MALAT1: variants seen among roughly 807,000 people sequenced by gnomAD.
The protein encoded by MALAT1 is metastasis associated lung adenocarcinoma transcript 1.
exon 3 of MALAT1, chr11:65,501,380 A>C: frequency 1.9e-6 from 1 of 518,542 alleles, no homozygotes; most frequent in Middle Eastern, 3.2e-4. Flanking sequence ...GTTTATAGAA[A>C]CTAGAGCAGT....
chr11:65,505,564 C>T (rs773650762), intron 3 of MALAT1: 11 of 515,824 alleles, frequency 2.1e-5, no homozygotes, highest in South Asian at 1.5e-4. Flanking sequence ...GCCACATCGC[C>T]ACCCCGTGCC....
chr11:65,501,715 A>T (rs758761266), exon 3 of MALAT1: 1 of 519,012 alleles, frequency 1.9e-6, no homozygotes, highest in African/African-American at 1.9e-5. Context: ...TTGAAGCTGA[A>T]AAGTACAGCA....
At chr11:65,499,186 T>C (rs771047379) in exon 3 of MALAT1, 1 of 505,276 alleles carries the variant, frequency 2.0e-6, no homozygotes, top group Non-Finnish European at 3.9e-6. Context: ...TACTAAGATA[T>C]TGCTTAGCGT....
exon 3 of MALAT1, chr11:65,503,123 ATC>A (rs1291987364): frequency 5.9e-6 from 3 of 508,338 alleles, no homozygotes; most frequent in Non-Finnish European, 1.2e-5. Context: ...TCAGACAGGT[ATC>A]TCTTCGTTAT....
At chr11:65,499,790 AAAGAC>A (rs756048218) in exon 3 of MALAT1, 6 of 422,860 alleles carry the variant, frequency 1.4e-5, no homozygotes, top group Non-Finnish European at 1.8e-5. Flanking sequence ...GCAGAAGAAA[AAAGAC>A]AAGCTAGGAA....
At chr11:65,498,626 G>C (rs181344966) in intron 1 of MALAT1, 2 of 518,712 alleles carry the variant, frequency 3.9e-6, no homozygotes, top group Admixed American at 1.9e-5. Context: ...CTGGGGCTCA[G>C]TTGCGTAATG....
rs372595584 is a variant in MALAT1 at position 65,503,374 on chromosome 11, A to G, written n.4637A>G. The G allele has an allele frequency of 8.3e-5, 43 of 518,770 alleles. 1 individual carries two copies. The Middle Eastern group carries it at 9.5e-4, about 11-fold the overall frequency. 32.1% of individuals were successfully genotyped at this position (518,770 alleles called of 1,614,324 possible). On this transcript the variant is annotated non_coding_transcript_exon_variant, in exon 3 of 4. Coordinates refer to ENST00000619449, the Ensembl canonical transcript of MALAT1. ...TGTAGGACTTGTTCCTGTGGGCTTC[A>G]GTGATGGGATAGTACACTTCACTCA...
At chr11:65,498,678 A>G (rs776853070) in intron 1 of MALAT1, 1 of 518,184 alleles carries the variant, frequency 1.9e-6, no homozygotes, top group South Asian at 1.4e-5. Flanking sequence ...TCTTCCTTCA[A>G]AAGGTGGTAA....
exon 3 of MALAT1, chr11:65,499,341 A>G (rs935513962): frequency 2.2e-5 from 11 of 497,842 alleles, no homozygotes; most frequent in African/African-American, 1.9e-4. Context: ...TAAAAAATGT[A>G]TTTAAAAGAA....
chr11:65,500,423 G>C (rs1187425970), exon 3 of MALAT1: 1 of 518,992 alleles, frequency 1.9e-6, no homozygotes, highest in East Asian at 5.4e-5. Context: ...TGGATTCAGT[G>C]AATCTAGGAA....
At chr11:65,503,041 GAAAT>G (rs769499308) in exon 3 of MALAT1, 7 of 506,604 alleles carry the variant, frequency 1.4e-5, no homozygotes, top group East Asian at 1.1e-4. Flanking sequence ...AAAAGAAGCC[GAAAT>G]AAATGAGAGA....
exon 3 of MALAT1, chr11:65,503,701 TGG>T (rs757261047): frequency 3.9e-6 from 2 of 517,654 alleles, no homozygotes; most frequent in African/African-American, 1.9e-5. Flanking sequence ...GGGGCAATCT[TGG>T]GGGGGATTCT....
chr11:65,503,850 C>G (rs1018973749), exon 3 of MALAT1: 2 of 517,954 alleles, frequency 3.9e-6, no homozygotes, highest in Non-Finnish European at 7.7e-6. Flanking sequence ...TATAATAATT[C>G]CAGGCACATG....
chr11:65,503,735 T>A (rs1565055042), exon 3 of MALAT1: 1 of 517,378 alleles, frequency 1.9e-6, no homozygotes, highest in Non-Finnish European at 3.9e-6. Context: ...TCAGAAACTT[T>A]GTCTGCGAAC....
exon 3 of MALAT1, chr11:65,501,479 A>T (rs771750198): frequency 1.9e-6 from 1 of 515,924 alleles, no homozygotes; most frequent in Non-Finnish European, 3.9e-6. Context: ...ATCAGACTTT[A>T]AAAGTGCTTA....
exon 3 of MALAT1, chr11:65,499,070 G>C (rs11540779): frequency 7.7e-6 from 4 of 518,072 alleles, no homozygotes; most frequent in Admixed American, 1.9e-5. Flanking sequence ...CAGCGCAGGG[G>C]CTTCTGCTGA....
chr11:65,506,099 A>T (rs1854688309), intron 3 of MALAT1: 1 of 248,572 alleles, frequency 4.0e-6, no homozygotes, highest in Non-Finnish European at 8.2e-6. Context: ...TTCTAGCTTA[A>T]AAAAAAAAAA....
At chr11:65,502,221 A>G (rs746154727) in exon 3 of MALAT1, 2 of 518,974 alleles carry the variant, frequency 3.9e-6, no homozygotes, top group Non-Finnish European at 7.7e-6. Context: ...GACATTAACT[A>G]CAATTATGGG....
chr11:65,499,071 C>T (rs540960944), exon 3 of MALAT1: 64 of 518,056 alleles, frequency 1.2e-4, no homozygotes, highest in Admixed American at 5.5e-4. Flanking sequence ...AGCGCAGGGG[C>T]TTCTGCTGAG....
Sources: allele counts gnomAD v4.1 joint callset, GRCh38; gene constraint gnomAD v4.1.1; transcripts MANE v1.5; gene names NCBI Gene and HGNC (gene_info 2026-07-23, HGNC 2026-07-21).